SCN10A: variants seen among roughly 807,000 people sequenced by gnomAD.
The protein encoded by SCN10A is sodium voltage-gated channel alpha subunit 10, also known as sodium channel protein type 10 subunit alpha.
A neutral mutation model predicts 170.7 loss-of-function variants in SCN10A; 162 were observed. That is an observed-to-expected ratio of 0.95 (90% CI 0.84 to 1.08). The LOEUF (loss-of-function observed/expected upper bound fraction) is 1.08, where lower values mean the gene tolerates loss of function less well. Among genes scored for constraint, SCN10A ranks in the 50% least tolerant of loss-of-function variants. The pLI is 0.00. For missense variants in SCN10A, 2,527 were observed against 2,436.9 expected (o/e 1.04, Z -0.78); for synonymous variants, 985 against 904.6 (o/e 1.09, Z -1.59).
At chr3:38,797,484 C>T (rs574631947) in intron 1 of SCN10A, among the ~76,000 whole-genome samples, 1 of 152,310 alleles carries the variant, frequency 6.6e-6, no homozygotes, top group East Asian at 1.9e-4. Flanking sequence ...AGTCAACCTA[C>T]ATTACATAAT....
intron 13 of SCN10A, among the ~76,000 whole-genome samples, chr3:38,746,059 A>ATGTGTGTAAATATATATGTG (rs1171627666): frequency 1.5e-5 from 1 of 65,872 alleles, no homozygotes; most frequent in Admixed American, 2.1e-4. Flanking sequence ...ATGTGTGTGT[A>ATGTGTGTAAATATATATGTG]TGTGTATATA....
At chr3:38,745,500 A>G (rs1055968239) in intron 13 of SCN10A, among the ~76,000 whole-genome samples, 19 of 152,144 alleles carry the variant, frequency 1.2e-4, no homozygotes, top group Admixed American at 9.8e-4. Context: ...CCAAACACAA[A>G]AACCAAAAAG....
chr3:38,793,845 C>A lies in SCN10A; in HGVS notation c.166G>T (p.Asp56Tyr). ...DQEEKPRPQLDLKACNQLPKF... is the reference protein window; with the variant it reads ...DQEEKPRPQLYLKACNQLPKF... ...GGCAGCTGGTTGCAGGCTTTCAAGT[C>A]CAGCTGGGGCCGAGGCTTCTCTTCT... The change falls in exon 2 of 28, where the codon GAC becomes TAC. Residue 56 changes from aspartate (D) to tyrosine (Y), a missense_variant. Asp to Tyr is a radical substitution (Grantham distance 160, BLOSUM62 -3). Coordinates refer to ENST00000449082, the MANE Select transcript of SCN10A (RefSeq NM_006514.4). 1 of 1,614,058 alleles carries A rather than the reference C, an allele frequency of 6.2e-7. No homozygotes were observed. The highest frequency in any genetic ancestry group is 1.3e-5 in the African/African-American group (1 of 75,040).
chr3:38,749,933 A>C (rs1252188871), intron 13 of SCN10A, 140 bp downstream of exon 13: 1 of 496,726 alleles, frequency 2.0e-6, no homozygotes, highest in Non-Finnish European at 3.6e-6. Flanking sequence ...GGTGGGGCCT[A>C]AGACATAAGA....
At position 38,783,717 on chromosome 3, in the gene SCN10A, G is replaced by C. The variant is rs139077552; in HGVS notation, c.470+5239C>G. ...AAGTACATATTTCTGTTAAACATAG[G>C]TACCTAAGGGTGTAATAGAAGAATA... On this transcript the variant is annotated intron_variant, in intron 4 of 27. Coordinates refer to ENST00000449082, the MANE Select transcript of SCN10A (RefSeq NM_006514.4). 2.2e-3 allele frequency among the ~76,000 whole-genome samples: 333 copies of C among 152,014 alleles called. 2 individuals carry two copies. The highest frequency in any genetic ancestry group is 6.1e-3 in the African/African-American group (252 of 41,458).
At chr3:38,736,361 C>CTG (rs68001863) in intron 15 of SCN10A, among the ~76,000 whole-genome samples, 12,874 of 139,234 alleles carry the variant, frequency 0.092, 590 homozygotes, top group East Asian at 0.21. Flanking sequence ...TAGGGAAACT[C>CTG]TGTGTGTGTG....
At chr3:38,729,276 T>G (rs879597808) in intron 15 of SCN10A, among the ~76,000 whole-genome samples, 1 of 152,118 alleles carries the variant, frequency 6.6e-6, no homozygotes, top group Non-Finnish European at 1.5e-5. Flanking sequence ...GAGAACAAGC[T>G]TATTTATGAC....
At chr3:38,714,335 G>C (rs989445309) in intron 21 of SCN10A, among the ~76,000 whole-genome samples, 4 of 152,188 alleles carry the variant, frequency 2.6e-5, no homozygotes, top group Admixed American at 6.5e-5. Context: ...CCAACCTCTG[G>C]TACGTAGGTG....
chr3:38,747,172 C>A (rs189095754), intron 13 of SCN10A, among the ~76,000 whole-genome samples: 39 of 152,250 alleles, frequency 2.6e-4, no homozygotes, highest in African/African-American at 9.1e-4. Context: ...GTTTCTCTGG[C>A]CTTTCTTACT....
chr3:38,745,938 C>A (rs79657050), intron 13 of SCN10A, among the ~76,000 whole-genome samples: 19 of 151,100 alleles, frequency 1.3e-4, no homozygotes, highest in African/African-American at 4.4e-4. Flanking sequence ...GTGTCTGAGG[C>A]CTTCTTCTCT....
intron 21 of SCN10A, among the ~76,000 whole-genome samples, chr3:38,718,120 A>G (rs568266593): frequency 1.5e-3 from 227 of 152,332 alleles, no homozygotes; most frequent in African/African-American, 5.0e-3. Flanking sequence ...CACCTTGGAA[A>G]TGCCTGGGAG....
At chr3:38,732,540 G>T (rs2063522275) in intron 15 of SCN10A, among the ~76,000 whole-genome samples, 1 of 149,634 alleles carries the variant, frequency 6.7e-6, no homozygotes, top group African/African-American at 2.5e-5. Flanking sequence ...GAGTAATGGA[G>T]AAATTGCTTC....
chr3:38,756,546 T>C, intron 10 of SCN10A, 128 bp downstream of exon 10: 1 of 759,350 alleles, frequency 1.3e-6, no homozygotes, highest in Non-Finnish European at 2.2e-6. Flanking sequence ...TCTAATATGG[T>C]CCCTGAGGCA....
At chr3:38,710,093 T>G (rs2125988279) in intron 24 of SCN10A, among the ~76,000 whole-genome samples, 1 of 152,286 alleles carries the variant, frequency 6.6e-6, no homozygotes, top group East Asian at 1.9e-4. Context: ...TGGCAGGGAA[T>G]TGACAGTGCC....
At chr3:38,710,377 G>T (rs1186811353) in intron 24 of SCN10A, among the ~76,000 whole-genome samples, 2 of 152,074 alleles carry the variant, frequency 1.3e-5, no homozygotes, top group East Asian at 3.9e-4. Flanking sequence ...GCCCAGGCTG[G>T]TCTCCTGAGC....
chr3:38,805,038 T>C (rs2064396831), intron 1 of SCN10A, among the ~76,000 whole-genome samples: 1 of 152,126 alleles, frequency 6.6e-6, no homozygotes, highest in South Asian at 2.1e-4. Flanking sequence ...TGTGACTAGA[T>C]TTCTCAATTG....
chr3:38,748,290 A>C (rs942687653), intron 13 of SCN10A, among the ~76,000 whole-genome samples: 2 of 152,252 alleles, frequency 1.3e-5, no homozygotes, highest in African/African-American at 4.8e-5. Flanking sequence ...TACAATGAAC[A>C]GTGATATTAA....
At chr3:38,762,089 C>T (rs59640942) in intron 6 of SCN10A, among the ~76,000 whole-genome samples, 12,354 of 152,178 alleles carry the variant, frequency 0.081, 972 homozygotes, top group African/African-American at 0.2. Context: ...ATTTGTTGCT[C>T]TGGTAAGTAA....
rs368793970 is a variant in SCN10A, at chr3:38,697,308, G to C, written c.*41C>G. On this transcript the variant is annotated 3_prime_UTR_variant, in exon 28 of 28. Transcript: ENST00000449082. ...GGAAAGAGTTAACACAGAGCAGAAGGACGCATCATAACTGAACATATCCAG... is the reference window on the plus strand; with the variant it reads ...GGAAAGAGTTAACACAGAGCAGAAGCACGCATCATAACTGAACATATCCAG... 9 of 1,599,366 alleles carry C rather than the reference G, an allele frequency of 5.6e-6. No individual in the cohort carries two copies. In the East Asian group the frequency reaches 1.6e-4, roughly 28 times the overall value.
Sources: gnomAD v4.1 joint callset for allele counts (sites outside exome capture counted in the v4.1 genomes callset) on GRCh38, gnomAD v4.1.1 for gene constraint, MANE v1.5 for transcripts, NCBI Gene and HGNC (gene_info 2026-07-23, HGNC 2026-07-21) for gene names.